PMFBP1: variants seen among roughly 807,000 people sequenced by gnomAD.
The protein encoded by PMFBP1 is polyamine modulated factor 1 binding protein 1, also known as polyamine-modulated factor 1-binding protein 1.
In PMFBP1, 131 loss-of-function variants were observed where a neutral mutation model predicts 137.8. The observed-to-expected ratio is 0.95, with a 90% CI of 0.82 to 1.10. The LOEUF is 1.10. PMFBP1 is among the 50% of genes least tolerant of loss of function. PMFBP1 has a pLI of 0.00. For synonymous variants in PMFBP1, 490 were observed against 450.4 expected (o/e 1.09, Z -1.11); for missense variants, 1,199 against 1,175.4 (o/e 1.02, Z -0.29).
the PMFBP1 span, among the ~76,000 whole-genome samples, chr16:72,183,174 A>T: frequency 6.6e-6 from 1 of 152,194 alleles, no homozygotes; most frequent in African/African-American, 2.4e-5. Context: ...TAGTTCCTCT[A>T]TGAAGTAGTC....
chr16:72,190,869 T>A, the PMFBP1 span, among the ~76,000 whole-genome samples: 1 of 152,196 alleles, frequency 6.6e-6, no homozygotes, highest in African/African-American at 2.4e-5. Flanking sequence ...TCTTAGATCG[T>A]GAGGACTTTG....
chr16:72,144,689 T>C (rs1209551001), intron 5 of PMFBP1, among the ~76,000 whole-genome samples: 1 of 152,210 alleles, frequency 6.6e-6, no homozygotes, highest in Non-Finnish European at 1.5e-5. Flanking sequence ...TAAACTTTTA[T>C]AATCCTGAAG....
chr16:72,208,946 A>G, the PMFBP1 span, among the ~76,000 whole-genome samples: 11 of 152,356 alleles, frequency 7.2e-5, no homozygotes, highest in African/African-American at 2.4e-4. Flanking sequence ...GAGACTCTGC[A>G]GAATGTTAAG....
chr16:72,176,966 G>C (rs17604349), upstream of PMFBP1: 3 of 152,084 alleles, frequency 2.0e-5, no homozygotes, highest in African/African-American at 7.2e-5. Context: ...CTCTTGAGAT[G>C]TCAGTTCTTT....
chr16:72,125,504 G>T, intron 15 of PMFBP1, 99 bp from the exon 16 acceptor site: 1 of 1,355,176 alleles, frequency 7.4e-7, no homozygotes, highest in Non-Finnish European at 1.0e-6. Context: ...CCTGTCCTCT[G>T]CCCAGGGTGA....
the PMFBP1 span, among the ~76,000 whole-genome samples, chr16:72,189,293 G>C: frequency 1.3e-5 from 2 of 152,182 alleles, no homozygotes; most frequent in Non-Finnish European, 2.9e-5. Flanking sequence ...TCTTGCTCCA[G>C]AGTCCATGCC....
intron 9 of PMFBP1, among the ~76,000 whole-genome samples, chr16:72,133,399 A>C (rs1002675063): frequency 1.3e-5 from 2 of 152,036 alleles, no homozygotes; most frequent in African/African-American, 4.8e-5. Context: ...GGCTGGTCTC[A>C]AACTCCTGAC....
the PMFBP1 span, among the ~76,000 whole-genome samples, chr16:72,240,413 T>C: frequency 5.9e-5 from 9 of 152,262 alleles, no homozygotes; most frequent in East Asian, 7.7e-4. Flanking sequence ...ATTCCAAACG[T>C]CTCTACTAAA....
chr16:72,157,237 G>A (rs1251762584), intron 3 of PMFBP1, among the ~76,000 whole-genome samples: 1 of 150,020 alleles, frequency 6.7e-6, no homozygotes, highest in Non-Finnish European at 1.5e-5. Context: ...ACTTTGTGGA[G>A]TTTGCATCTA....
At chr16:72,151,276 A>G (rs533842410) in intron 4 of PMFBP1, among the ~76,000 whole-genome samples, 3 of 152,330 alleles carry the variant, frequency 2.0e-5, no homozygotes, top group East Asian at 1.9e-4. Flanking sequence ...TAGGTGGGGA[A>G]CATGACCCAA....
chr16:72,180,346 C>T (rs1036067624), upstream of PMFBP1, among the ~76,000 whole-genome samples: 4 of 152,136 alleles, frequency 2.6e-5, no homozygotes, highest in African/African-American at 9.7e-5. Flanking sequence ...CTTGTTCTGC[C>T]TCCACTGGTG....
chr16:72,199,729 G>A, the PMFBP1 span, among the ~76,000 whole-genome samples: 1 of 151,204 alleles, frequency 6.6e-6, no homozygotes, highest in East Asian at 2.0e-4. Context: ...AGTTTCTGCA[G>A]TGACTTCCTT....
At chr16:72,130,036 T>C (rs944281138) in intron 12 of PMFBP1, among the ~76,000 whole-genome samples, 177 bp downstream of exon 12, 1 of 146,792 alleles carries the variant, frequency 6.8e-6, no homozygotes, top group Non-Finnish European at 1.5e-5. Context: ...TTTTTTTTTT[T>C]GTAAGGCAGG....
chr16:72,199,080 G>C, the PMFBP1 span, among the ~76,000 whole-genome samples: 1 of 152,300 alleles, frequency 6.6e-6, no homozygotes, highest in Non-Finnish European at 1.5e-5. Flanking sequence ...TGGCTGTGCT[G>C]TTGCAGGGAA....
In PMFBP1 at chr16:72,140,406, A is replaced by G. The variant is rs2042699279; in HGVS notation, c.807+6T>C. ...CCAGAGACATGTTCTAGAAGAAGGCACTTACCAAAGCGTTACTGCAGGCCA... is the reference window on the plus strand; with the variant it reads ...CCAGAGACATGTTCTAGAAGAAGGCGCTTACCAAAGCGTTACTGCAGGCCA... On this transcript the variant is annotated splice_donor_region_variant and intron_variant, in intron 6 of 20. Transcript: ENST00000237353. The G allele has an allele frequency of 1.2e-6, 2 of 1,610,658 alleles. No individual in the cohort carries two copies. Among genetic ancestry groups the G allele is most frequent in the Non-Finnish European group, 1.7e-6 (2 of 1,176,836 alleles).
the PMFBP1 span, among the ~76,000 whole-genome samples, chr16:72,232,361 T>A: frequency 5.7e-4 from 87 of 152,262 alleles, no homozygotes; most frequent in African/African-American, 2.0e-3. Flanking sequence ...CAGCTGTCTC[T>A]CTCTGGAAAA....
intron 3 of PMFBP1, chr16:72,164,452 G>A (rs939923770): frequency 1.6e-5 from 22 of 1,367,584 alleles, no homozygotes; most frequent in African/African-American, 4.4e-5. Flanking sequence ...TGCTCCCCTT[G>A]TATCACTATG....
intron 12 of PMFBP1, among the ~76,000 whole-genome samples, 184 bp from the exon 13 acceptor site, chr16:72,129,417 A>T (rs1199337837): frequency 6.6e-6 from 1 of 152,232 alleles, no homozygotes; most frequent in Non-Finnish European, 1.5e-5. Flanking sequence ...GTTCAGTCAG[A>T]TATACCAATT....
At position 72,125,161 on chromosome 16, in the gene PMFBP1, T is replaced by C. The variant is rs368707243; in HGVS notation, c.2421+77A>G. The C allele has an allele frequency of 4.6e-6, 7 of 1,531,156 alleles. No homozygotes were observed. The African/African-American group carries it at 6.9e-5, about 15-fold the overall frequency. 94.8% of individuals were successfully genotyped at this position (1,531,156 alleles called of 1,614,324 possible). On this transcript the variant is annotated intron_variant, in intron 16 of 20. Coordinates refer to ENST00000237353, the MANE Select transcript of PMFBP1 (RefSeq NM_031293.3). ...GCAGCCCAAGGGAATGACTTAGTGC[T>C]AAATAATTCTGGATGCAAGAGGTGA...
Sources: gnomAD v4.1 joint callset for allele counts (sites outside exome capture counted in the v4.1 genomes callset) on GRCh38, gnomAD v4.1.1 for gene constraint, MANE v1.5 for transcripts, NCBI Gene and HGNC (gene_info 2026-07-23, HGNC 2026-07-21) for gene names.